Variants in IGF2BP2 observed in about 807,000 individuals in gnomAD.
IGF2BP2 encodes insulin-like growth factor 2 mRNA-binding protein 2.
In IGF2BP2, 17 loss-of-function variants were observed where a neutral mutation model predicts 75.8. The observed-to-expected ratio is 0.22, with a 90% confidence interval of 0.15 to 0.34. The LOEUF is 0.34. IGF2BP2 is among the 10% of genes least tolerant of loss of function. IGF2BP2 has a pLI of 1.00. For missense variants in IGF2BP2, 516 were observed against 772.4 expected (o/e 0.67, Z 3.93); for synonymous variants, 288 against 295.6 (o/e 0.97, Z 0.26).
chr3:185,722,914 T>C (rs1468503088), intron 2 of IGF2BP2, among the ~76,000 whole-genome samples: 1 of 152,098 alleles, frequency 6.6e-6, no homozygotes, highest in Non-Finnish European at 1.5e-5. Flanking sequence ...TATGATAGAG[T>C]GTTTTCAAAA....
At position 185,722,260 on chromosome 3, in the gene IGF2BP2, G is replaced by A. The variant is rs1420835304; in HGVS notation, c.240-23913C>T. ...CAAGTGTTTATCCCCATTCCATAGG[G>A]GGTGAAACTGAGGCACAAAAAGAGG... On this transcript the variant is annotated intron_variant, in intron 2 of 15. Transcript: ENST00000382199. The A allele has an allele frequency of 6.6e-6, 3 of 456,296 alleles. No individual in the cohort carries two copies. In the Admixed American group the frequency reaches 7.1e-5, roughly 11 times the overall value. 28.3% of individuals were successfully genotyped at this position (456,296 alleles called of 1,614,324 possible).
chr3:185,693,710 A>G (rs1312677212), intron 4 of IGF2BP2, among the ~76,000 whole-genome samples: 2 of 152,252 alleles, frequency 1.3e-5, no homozygotes. Context: ...CCAAAAATAT[A>G]TGTTTCCCAA....
At chr3:185,814,753 T>C (rs1215045838) in intron 2 of IGF2BP2, among the ~76,000 whole-genome samples, 1 of 152,170 alleles carries the variant, frequency 6.6e-6, no homozygotes, top group Non-Finnish European at 1.5e-5. Context: ...TTAAGTCCTA[T>C]GTTACTAAAC....
intron 2 of IGF2BP2, among the ~76,000 whole-genome samples, chr3:185,822,794 C>T (rs1741526932): frequency 6.7e-6 from 1 of 149,740 alleles, no homozygotes; most frequent in Non-Finnish European, 1.5e-5. Context: ...TTACTCTTCA[C>T]ATCTCACAGG....
intron 2 of IGF2BP2, chr3:185,717,808 T>C (rs1322381413): frequency 1.3e-5 from 2 of 152,202 alleles, no homozygotes; most frequent in African/African-American, 4.8e-5. Context: ...GCTGCACTAA[T>C]GAGGAAAGTC....
At chr3:185,755,608 C>T (rs1228576549) in intron 2 of IGF2BP2, among the ~76,000 whole-genome samples, 1 of 152,214 alleles carries the variant, frequency 6.6e-6, no homozygotes, top group Non-Finnish European at 1.5e-5. Context: ...GCCACGAGGG[C>T]AGGGCTGCCC....
intron 11 of IGF2BP2, 31 bp downstream of exon 11, chr3:185,658,310 G>C (rs750417267): frequency 6.2e-7 from 1 of 1,601,022 alleles, no homozygotes; most frequent in Non-Finnish European, 8.6e-7. Flanking sequence ...AGGAGAAGTG[G>C]CAGGTGCGGC....
At chr3:185,784,996 C>A (rs1414782340) in intron 2 of IGF2BP2, among the ~76,000 whole-genome samples, 1 of 152,060 alleles carries the variant, frequency 6.6e-6, no homozygotes, top group Non-Finnish European at 1.5e-5. Context: ...CCTGTGTTTT[C>A]TTTTCAATTA....
Position 185,658,328 on chromosome 3 carries a change from AG to A in IGF2BP2, c.1269+12del, listed in dbSNP as rs1397897899. On this transcript the variant is annotated intron_variant, in intron 11 of 15. Coordinates refer to ENST00000382199, the MANE Select transcript of IGF2BP2 (RefSeq NM_006548.6). ...AGAAGTGGCAGGTGCGGCTGAACTG[AG>A]GGGGCACTTACAGAGTGATGATGCG... 8.7e-6 allele frequency: 14 copies of A among 1,612,582 alleles called. No individual in the cohort carries two copies. Among genetic ancestry groups the A allele is most frequent in the Non-Finnish European group, 1.2e-5 (14 of 1,179,072 alleles).
Position 185,804,359 on chromosome 3 carries a change from G to A in IGF2BP2, c.239+18794C>T, listed in dbSNP as rs563246769. Among the ~76,000 whole-genome samples the A allele has an allele frequency of 1.1e-3, 161 of 151,936 alleles. 1 individual carries two copies. The highest frequency in any genetic ancestry group is 3.5e-3 in the African/African-American group (145 of 41,440). ...AGGCAGGAGAATTGCTTGAACCCGG[G>A]AGGCAGAGGTTGCAGTGAGCTGAGA... On this transcript the variant is annotated intron_variant, in intron 2 of 15. Transcript: ENST00000382199.
intron 2 of IGF2BP2, among the ~76,000 whole-genome samples, chr3:185,729,514 T>C (rs1727847724): frequency 1.3e-5 from 2 of 152,268 alleles, no homozygotes; most frequent in African/African-American, 2.4e-5. Flanking sequence ...TAGTGATGAA[T>C]GTAATTTTTT....
At chr3:185,718,555 C>T (rs929828022) in intron 2 of IGF2BP2, among the ~76,000 whole-genome samples, 13 of 151,702 alleles carry the variant, frequency 8.6e-5, no homozygotes, top group African/African-American at 2.4e-4. Context: ...CGTGGTGGCA[C>T]GTGCCTATGG....
chr3:185,780,640 TTGTC>T (rs1203623975), intron 2 of IGF2BP2, among the ~76,000 whole-genome samples: 1 of 152,182 alleles, frequency 6.6e-6, no homozygotes. Context: ...CTTTTTTCAT[TTGTC>T]TGTGAGCTAC....
intron 2 of IGF2BP2, chr3:185,724,412 T>TC (rs370667467): frequency 2.6e-5 from 4 of 152,202 alleles, no homozygotes; most frequent in African/African-American, 9.7e-5. Context: ...ATCCCTTTTT[T>TC]CCCTCTCTCC....
intron 2 of IGF2BP2, among the ~76,000 whole-genome samples, chr3:185,808,003 G>A (rs1185021924): frequency 6.6e-6 from 1 of 152,054 alleles, no homozygotes; most frequent in African/African-American, 2.4e-5. Context: ...TAATTAGCTG[G>A]GTGTAGTGGT....
At position 185,667,981 on chromosome 3, in the gene IGF2BP2, T is replaced by G. The variant is rs368009578; in HGVS notation, c.1200+4560A>C. ...ACATAATGCTATTGCACACTTAGAC[T>G]ACAGTATAGTGTAAACACAGCTTTT... On this transcript the variant is annotated intron_variant, in intron 10 of 15. Coordinates refer to ENST00000382199, the MANE Select transcript of IGF2BP2 (RefSeq NM_006548.6). Among the ~76,000 whole-genome samples, 3 of 152,198 alleles carry G rather than the reference T, an allele frequency of 2.0e-5. No individual in the cohort carries two copies. In the East Asian group the frequency reaches 5.8e-4, roughly 29 times the overall value.
intron 2 of IGF2BP2, among the ~76,000 whole-genome samples, chr3:185,806,021 C>T (rs938882038): frequency 3.3e-5 from 5 of 151,790 alleles, no homozygotes; most frequent in African/African-American, 9.7e-5. Flanking sequence ...GTGATCCACC[C>T]GCCTCAGCCT....
At chr3:185,662,191 G>C (rs565536860) in intron 10 of IGF2BP2, among the ~76,000 whole-genome samples, 1 of 152,154 alleles carries the variant, frequency 6.6e-6, no homozygotes, top group East Asian at 1.9e-4. Flanking sequence ...TATAATGAAA[G>C]GTCTGGCCAG....
chr3:185,761,775 A>G (rs1388895996), intron 2 of IGF2BP2, among the ~76,000 whole-genome samples: 2 of 152,238 alleles, frequency 1.3e-5, no homozygotes, highest in Non-Finnish European at 2.9e-5. Context: ...CCATTGCAAC[A>G]AAAACACTTT....
Sources: allele counts gnomAD v4.1 joint callset (sites outside exome capture counted in the v4.1 genomes callset), GRCh38; gene constraint gnomAD v4.1.1; transcripts MANE v1.5; gene names NCBI Gene and HGNC (gene_info 2026-07-23, HGNC 2026-07-21).